Variants in ANKFN1 observed in about 807,000 individuals in gnomAD.
The protein encoded by ANKFN1 is ankyrin repeat and fibronectin type-III domain-containing protein 1.
In ANKFN1, 74 loss-of-function variants were observed where a neutral mutation model predicts 108.7. The ratio of observed to expected loss-of-function variants is 0.68; its 90% CI spans 0.56 to 0.83. The LOEUF (loss-of-function observed/expected upper bound fraction) is 0.83. ANKFN1 is among the 40% of genes least tolerant of loss of function. ANKFN1 has a pLI of 0.00. For missense variants in ANKFN1, 1,505 were observed against 1,382.3 expected (o/e 1.09, Z -1.41); for synonymous variants, 547 against 516.2 (o/e 1.06, Z -0.81).
intron 3 of ANKFN1, chr17:56,323,603 CCTT>C (rs1444995521): frequency 6.6e-6 from 1 of 152,460 alleles, no homozygotes; most frequent in African/African-American, 2.4e-5. Flanking sequence ...AGGAGGCAAG[CCTT>C]CTGTGGATGG....
At chr17:56,283,666 C>G (rs1463922739) in intron 3 of ANKFN1, among the ~76,000 whole-genome samples, 1 of 151,906 alleles carries the variant, frequency 6.6e-6, no homozygotes, top group Non-Finnish European at 1.5e-5. Flanking sequence ...TATGTTCTCA[C>G]TCATAAGTGT....
intron 4 of ANKFN1, among the ~76,000 whole-genome samples, chr17:56,126,827 G>T (rs1906962953): frequency 6.6e-6 from 1 of 152,002 alleles, no homozygotes; most frequent in Non-Finnish European, 1.5e-5. Flanking sequence ...AGCAGAATGG[G>T]GTGAAAGAAA....
chr17:56,056,484 C>A (rs1257547911), intron 4 of ANKFN1, among the ~76,000 whole-genome samples: 1 of 151,620 alleles, frequency 6.6e-6, no homozygotes, highest in African/African-American at 2.4e-5. Flanking sequence ...ACACATAGAT[C>A]AATGGGACAG....
At chr17:56,079,068 G>A (rs1011832506) in intron 4 of ANKFN1, among the ~76,000 whole-genome samples, 2 of 152,162 alleles carry the variant, frequency 1.3e-5, no homozygotes, top group African/African-American at 4.8e-5. Context: ...GACAAATAGG[G>A]CCAGCTCATT....
intron 3 of ANKFN1, among the ~76,000 whole-genome samples, chr17:56,232,182 A>T (rs1916786111): frequency 6.6e-6 from 1 of 152,148 alleles, no homozygotes; most frequent in South Asian, 2.1e-4. Context: ...TTCTTCAGCC[A>T]TTCTTCACAC....
intron 3 of ANKFN1, among the ~76,000 whole-genome samples, chr17:56,311,667 G>A (rs567141195): frequency 6.6e-6 from 1 of 152,310 alleles, no homozygotes; most frequent in Non-Finnish European, 1.5e-5. Flanking sequence ...TTTGCCTTCT[G>A]TTGGTTCAGT....
intron 3 of ANKFN1, among the ~76,000 whole-genome samples, chr17:56,261,394 T>C (rs1811254): frequency 0.071 from 10,830 of 152,206 alleles, 532 homozygotes; most frequent in African/African-American, 0.14. Context: ...TGAGTGTTTC[T>C]GACATTGTAT....
intron 1 of ANKFN1, among the ~76,000 whole-genome samples, chr17:56,177,984 A>C (rs1488179158): frequency 6.6e-6 from 1 of 152,232 alleles, no homozygotes; most frequent in Admixed American, 6.5e-5. Context: ...ATGCAGAATA[A>C]CTGCTAAAGA....
At chr17:56,057,767 A>C (rs1235717121) in intron 4 of ANKFN1, among the ~76,000 whole-genome samples, 1 of 138,474 alleles carries the variant, frequency 7.2e-6, no homozygotes, top group Non-Finnish European at 1.6e-5. Flanking sequence ...CCTGGGCAAC[A>C]GAGTGAAACT....
rs546006759 is a variant in ANKFN1, at chr17:56,072,178, T to C, written c.288+25853T>C. On this transcript the variant is annotated intron_variant, in intron 4 of 12. Transcript: ENST00000635860. ...TCTGTATTGGTAGTTATATCTCTTC[T>C]TATTCCTAATATTAATCACTTGTGT... Among the ~76,000 whole-genome samples, 6 of 152,368 alleles carry C rather than the reference T, an allele frequency of 3.9e-5. No individual in the cohort carries two copies. The South Asian group carries it at 8.3e-4, about 21-fold the overall frequency.
At chr17:56,506,508 A>G (rs2051572920) in intron 20 of ANKFN1, among the ~76,000 whole-genome samples, 1 of 152,060 alleles carries the variant, frequency 6.6e-6, no homozygotes, top group Admixed American at 6.6e-5. Flanking sequence ...TTCTCCCCCT[A>G]GAACCTCCAG....
chr17:56,489,452 A>T (rs1279742551), intron 18 of ANKFN1, among the ~76,000 whole-genome samples: 1 of 9,208 alleles, frequency 1.1e-4, no homozygotes, highest in Non-Finnish European at 2.2e-4. Context: ...TCTGGATTTA[A>T]AAAAAAAAAA....
At chr17:56,287,909 G>A (rs2044259905) in intron 3 of ANKFN1, among the ~76,000 whole-genome samples, 1 of 152,136 alleles carries the variant, frequency 6.6e-6, no homozygotes, top group Non-Finnish European at 1.5e-5. Context: ...TGATCTTTGA[G>A]TGGGCCAAGC....
chr17:56,077,455 G>A (rs1905194116), intron 4 of ANKFN1, among the ~76,000 whole-genome samples: 1 of 152,070 alleles, frequency 6.6e-6, no homozygotes, highest in East Asian at 1.9e-4. Context: ...CAAATCCTTG[G>A]CCCTCACCAA....
intron 3 of ANKFN1, among the ~76,000 whole-genome samples, chr17:56,239,814 A>C (rs927214843): frequency 6.6e-6 from 1 of 152,132 alleles, no homozygotes; most frequent in Non-Finnish European, 1.5e-5. Flanking sequence ...GGGGTTCCTC[A>C]GATTGAAACA....
intron 8 of ANKFN1, among the ~76,000 whole-genome samples, chr17:56,397,797 T>G (rs2047629728): frequency 6.6e-6 from 1 of 152,214 alleles, no homozygotes; most frequent in African/African-American, 2.4e-5. Flanking sequence ...AGGAGGCTAT[T>G]GTGCTAGTTC....
intron 3 of ANKFN1, among the ~76,000 whole-genome samples, chr17:56,241,294 T>C (rs778012285): frequency 6.6e-6 from 1 of 151,784 alleles, no homozygotes; most frequent in Non-Finnish European, 1.5e-5. Flanking sequence ...AACAAACAAA[T>C]AAAACAACAA....
chr17:56,421,119 C>T (rs1050427552), intron 8 of ANKFN1, among the ~76,000 whole-genome samples: 2 of 152,184 alleles, frequency 1.3e-5, no homozygotes, highest in Non-Finnish European at 2.9e-5. Context: ...CCATTAATCA[C>T]ACTTTGATAA....
chr17:56,407,694 A>G (rs2047961608), intron 8 of ANKFN1, among the ~76,000 whole-genome samples: 1 of 152,172 alleles, frequency 6.6e-6, no homozygotes, highest in Non-Finnish European at 1.5e-5. Flanking sequence ...AATCAAATAG[A>G]AAATAGATTA....
Sources: allele counts gnomAD v4.1 joint callset (sites outside exome capture counted in the v4.1 genomes callset), GRCh38; gene constraint gnomAD v4.1.1; transcripts MANE v1.5; gene names NCBI Gene and HGNC (gene_info 2026-07-23, HGNC 2026-07-21).